Variants in HMGA2 observed in about 807,000 individuals in gnomAD.
HMGA2 encodes the protein high mobility group AT-hook 2, also known as high mobility group protein HMGI-C.
Under a neutral mutation model 19.1 loss-of-function variants are expected in HMGA2, and 8 were observed. The observed-to-expected ratio is 0.42, with a 90% CI of 0.25 to 0.76. The LOEUF is 0.76. Ranked by LOEUF, HMGA2 falls within the 30% of genes least tolerant of loss-of-function variation. The pLI is 0.28. For synonymous variants in HMGA2, 60 were observed against 48.8 expected, an observed-to-expected ratio of 1.23 and a Z score of -0.96; for missense variants, 109 against 136.3, an observed-to-expected ratio of 0.80 and a Z score of 1.00.
At chr12:65,946,490 G>A (rs1398080461) in intron 3 of HMGA2, among the ~76,000 whole-genome samples, 1 of 152,068 alleles carries the variant, frequency 6.6e-6, no homozygotes, top group Non-Finnish European at 1.5e-5. Flanking sequence ...ACCATACATT[G>A]TGCCTAATTT....
At chr12:65,859,349 A>G (rs1013227820) in intron 3 of HMGA2, 3 of 152,154 alleles carry the variant, frequency 2.0e-5, no homozygotes, top group Non-Finnish European at 4.4e-5. Flanking sequence ...CTCTTGTTAC[A>G]TGTGTGTCCT....
At chr12:65,948,309 A>T (rs193112762) in intron 3 of HMGA2, 1 of 152,240 alleles carries the variant, frequency 6.6e-6, no homozygotes, top group Non-Finnish European at 1.5e-5. Flanking sequence ...GATGTTATTC[A>T]GGTCTTATAA....
Position 65,898,658 on chromosome 12 carries a change from T to A in HMGA2, c.250-52725T>A, listed in dbSNP as rs528900607. ...ACTATAATCCTGGTGGTAGCCACTA[T>A]ACAATGAGCACCTACTATGTCCAGC... On this transcript the variant is annotated intron_variant, in intron 3 of 4. Coordinates refer to ENST00000403681, the MANE Select transcript of HMGA2 (RefSeq NM_003483.6). 3.3e-5 allele frequency among the ~76,000 whole-genome samples: 5 copies of A among 152,298 alleles called. No homozygotes were observed. The East Asian group carries it at 7.7e-4, about 23-fold the overall frequency.
chr12:65,891,110 T>A (rs1008151837), intron 3 of HMGA2, among the ~76,000 whole-genome samples: 3 of 152,200 alleles, frequency 2.0e-5, no homozygotes, highest in Non-Finnish European at 4.4e-5. Context: ...TTGGAACCAG[T>A]TGACTTTTTA....
At chr12:65,928,475 T>TA (rs1182323641) in intron 3 of HMGA2, among the ~76,000 whole-genome samples, 3 of 152,158 alleles carry the variant, frequency 2.0e-5, no homozygotes, top group Non-Finnish European at 4.4e-5. Context: ...ACTAAATTTA[T>TA]AAAAAATATT....
At chr12:65,923,705 A>G (rs574558444) in intron 3 of HMGA2, among the ~76,000 whole-genome samples, 1 of 152,172 alleles carries the variant, frequency 6.6e-6, no homozygotes, top group Admixed American at 6.5e-5. Flanking sequence ...GCCAGACTTT[A>G]TCACCCGTAA....
chr12:65,836,203 C>CA (rs1279448307), intron 2 of HMGA2, among the ~76,000 whole-genome samples: 3 of 151,688 alleles, frequency 2.0e-5, no homozygotes, highest in Non-Finnish European at 2.9e-5. Flanking sequence ...ACTAAAAATA[C>CA]AAAAAATTAG....
intron 3 of HMGA2, chr12:65,882,304 C>A (rs1873457141): frequency 4.5e-6 from 1 of 220,428 alleles, no homozygotes; most frequent in South Asian, 7.4e-5. Flanking sequence ...GTGCTCCGGG[C>A]TGCGCTGCCA....
chr12:65,881,632 G>A (rs1873394032), intron 3 of HMGA2: 3 of 655,868 alleles, frequency 4.6e-6, no homozygotes, highest in Admixed American at 4.2e-5. Context: ...GCGAAGGAGG[G>A]AGGGAGGGAG....
intron 4 of HMGA2, chr12:65,954,874 G>A (rs1876560962): frequency 6.6e-6 from 1 of 152,182 alleles, no homozygotes; most frequent in Non-Finnish European, 1.5e-5. Flanking sequence ...TCCACTTCAA[G>A]TGATAAACAA....
At chr12:65,921,746 C>T (rs542768914) in intron 3 of HMGA2, among the ~76,000 whole-genome samples, 15 of 152,340 alleles carry the variant, frequency 9.8e-5, no homozygotes, top group South Asian at 4.1e-4. Flanking sequence ...GAGACCTTCA[C>T]GGCAGCCCCT....
At chr12:65,934,212 G>A (rs1875815712) in intron 3 of HMGA2, among the ~76,000 whole-genome samples, 1 of 152,142 alleles carries the variant, frequency 6.6e-6, no homozygotes, top group Non-Finnish European at 1.5e-5. Context: ...TGGAGTAATT[G>A]TGAATTTATA....
At chr12:65,957,785 C>A (rs1351939493) in intron 4 of HMGA2, 1 of 152,184 alleles carries the variant, frequency 6.6e-6, no homozygotes, top group African/African-American at 2.4e-5. Context: ...GCAGTATTTT[C>A]AGTGATGGAA....
chr12:65,927,851 GTATA>G (rs1405380229), intron 3 of HMGA2, among the ~76,000 whole-genome samples: 14 of 149,322 alleles, frequency 9.4e-5, no homozygotes, highest in African/African-American at 3.4e-4. Flanking sequence ...GTGTGTGTGT[GTATA>G]TATATTTTTT....
At chr12:65,855,454 T>TCACACACACACA (rs1287271542) in intron 3 of HMGA2, among the ~76,000 whole-genome samples, 7 of 100,608 alleles carry the variant, frequency 7.0e-5, no homozygotes, top group African/African-American at 2.8e-4. Flanking sequence ...TCTCTCTCTC[T>TCACACACACACA]CTCTCACACA....
intron 3 of HMGA2, among the ~76,000 whole-genome samples, chr12:65,937,792 G>T (rs1010220410): frequency 2.0e-5 from 3 of 152,182 alleles, no homozygotes; most frequent in African/African-American, 7.2e-5. Flanking sequence ...AACACTTTAT[G>T]CACTAGCCCT....
In HMGA2 at chr12:65,912,074, A is replaced by G. The variant is rs535329996; in HGVS notation, c.250-39309A>G. On this transcript the variant is annotated intron_variant, in intron 3 of 4. Coordinates refer to ENST00000403681, the MANE Select transcript of HMGA2 (RefSeq NM_003483.6). ...CCCTGATTTAGATACTGTATTAACTATATCTTTCCACTAGTCTTTCTGTTT... is the reference window on the plus strand; with the variant it reads ...CCCTGATTTAGATACTGTATTAACTGTATCTTTCCACTAGTCTTTCTGTTT... Among the ~76,000 whole-genome samples, 3 of 152,234 alleles carry G rather than the reference A, an allele frequency of 2.0e-5. No homozygotes were observed. The East Asian group carries it at 5.8e-4, about 29-fold the overall frequency.
chr12:65,888,852 G>C (rs12230175), intron 3 of HMGA2, among the ~76,000 whole-genome samples: 37,695 of 151,298 alleles, frequency 0.25, 6,799 homozygotes, highest in African/African-American at 0.5. Flanking sequence ...TGTGAGCCAC[G>C]GCGCCCGGCC....
chr12:65,892,301 A>G (rs1873943403), intron 3 of HMGA2, among the ~76,000 whole-genome samples: 1 of 152,194 alleles, frequency 6.6e-6, no homozygotes, highest in African/African-American at 2.4e-5. Flanking sequence ...CATTCTTTTT[A>G]TAGTACAGGC....
Sources: allele counts gnomAD v4.1 joint callset (sites outside exome capture counted in the v4.1 genomes callset), GRCh38; gene constraint gnomAD v4.1.1; transcripts MANE v1.5; gene names NCBI Gene and HGNC (gene_info 2026-07-23, HGNC 2026-07-21).